The following CCDC85A variants were observed in gnomAD, a reference collection of about 807,000 sequenced individuals.
CCDC85A encodes the protein coiled-coil domain-containing protein 85A.
CCDC85A carries 38 observed loss-of-function variants against 50.2 expected under a neutral mutation model. The ratio of observed to expected loss-of-function variants is 0.76; its 90% CI spans 0.58 to 0.99. The LOEUF is 0.99. CCDC85A is among the 50% of genes least tolerant of loss of function. The probability of loss-of-function intolerance (pLI) is 0.00; values close to 1 mark genes in which losing one functional copy is unlikely to be tolerated. For missense variants in CCDC85A, 820 were observed against 742.0 expected (o/e 1.11, Z -1.22); for synonymous variants, 366 against 301.4 (o/e 1.21, Z -2.22).
At chr2:56,340,156 A>T (rs1674284081) in intron 2 of CCDC85A, among the ~76,000 whole-genome samples, 1 of 152,192 alleles carries the variant, frequency 6.6e-6, no homozygotes, top group African/African-American at 2.4e-5. Flanking sequence ...GATGAGCTTA[A>T]TTGTTGTATT....
chr2:56,364,647 C>T (rs1005119109), intron 3 of CCDC85A, among the ~76,000 whole-genome samples: 2 of 152,034 alleles, frequency 1.3e-5, no homozygotes, highest in African/African-American at 2.4e-5. Context: ...TATTACTTCC[C>T]CCGGTATTTT....
chr2:56,333,598 G>C (rs992224898), intron 2 of CCDC85A, among the ~76,000 whole-genome samples: 1 of 152,060 alleles, frequency 6.6e-6, no homozygotes, highest in Admixed American at 6.6e-5. Flanking sequence ...GGCTGCCATG[G>C]GTTTGGAATA....
intron 2 of CCDC85A, among the ~76,000 whole-genome samples, chr2:56,297,951 G>A (rs974825253): frequency 6.6e-6 from 1 of 152,212 alleles, no homozygotes; most frequent in African/African-American, 2.4e-5. Context: ...ACCATGATCT[G>A]CCATCAACAA....
intron 2 of CCDC85A, among the ~76,000 whole-genome samples, chr2:56,337,830 G>C (rs542375755): frequency 6.7e-6 from 1 of 149,498 alleles, no homozygotes; most frequent in Admixed American, 6.7e-5. Flanking sequence ...TGTCACCCAA[G>C]CTGGAGTGCA....
chr2:56,285,890 AG>A (rs1427376038), intron 2 of CCDC85A, among the ~76,000 whole-genome samples: 2 of 151,914 alleles, frequency 1.3e-5, no homozygotes, highest in Non-Finnish European at 2.9e-5. Flanking sequence ...TTCTTTTTGT[AG>A]TACAGGTCTG....
At chr2:56,278,955 AG>A (rs916377173) in intron 2 of CCDC85A, among the ~76,000 whole-genome samples, 8 of 152,168 alleles carry the variant, frequency 5.3e-5, no homozygotes, top group Admixed American at 5.2e-4. Flanking sequence ...AGGAGGCACG[AG>A]GGGGAAGGAA....
chr2:56,320,102 CACAACAT>C (rs1673104313), intron 2 of CCDC85A, among the ~76,000 whole-genome samples: 1 of 152,082 alleles, frequency 6.6e-6, no homozygotes, highest in African/African-American at 2.4e-5. Flanking sequence ...AGAACAAAGA[CACAACAT>C]ACCAGAATCT....
At chr2:56,320,871 C>T (rs1391084846) in intron 2 of CCDC85A, among the ~76,000 whole-genome samples, 2 of 152,098 alleles carry the variant, frequency 1.3e-5, no homozygotes, top group Admixed American at 1.3e-4. Flanking sequence ...CCCTGATGAA[C>T]ATCAATGCAA....
chr2:56,339,059 C>T (rs1472160813), intron 2 of CCDC85A, among the ~76,000 whole-genome samples: 1 of 152,150 alleles, frequency 6.6e-6, no homozygotes, highest in East Asian at 1.9e-4. Flanking sequence ...ACAGGACCTT[C>T]TGGAATGCCT....
intron 2 of CCDC85A, among the ~76,000 whole-genome samples, chr2:56,325,939 G>T (rs937731638): frequency 6.6e-6 from 1 of 152,104 alleles, no homozygotes; most frequent in African/African-American, 2.4e-5. Flanking sequence ...TGCAGTTATT[G>T]TGTCTTAGGC....
At chr2:56,361,145 T>C (rs1345677447) in intron 3 of CCDC85A, among the ~76,000 whole-genome samples, 1 of 151,984 alleles carries the variant, frequency 6.6e-6, no homozygotes, top group East Asian at 1.9e-4. Context: ...TCCCAGCTAC[T>C]CGGGAGGCTG....
chr2:56,260,498 T>C (rs1204254095), intron 2 of CCDC85A, among the ~76,000 whole-genome samples: 1 of 152,214 alleles, frequency 6.6e-6, no homozygotes, highest in Non-Finnish European at 1.5e-5. Context: ...GATAAATTTG[T>C]CCAATCTTTT....
At chr2:56,249,545 A>G (rs747999369) in intron 2 of CCDC85A, among the ~76,000 whole-genome samples, 1 of 152,232 alleles carries the variant, frequency 6.6e-6, no homozygotes, top group Non-Finnish European at 1.5e-5. Flanking sequence ...CTTTGAGGTC[A>G]CTGGGTCATT....
At chr2:56,318,740 G>A (rs746350253) in intron 2 of CCDC85A, among the ~76,000 whole-genome samples, 1 of 151,976 alleles carries the variant, frequency 6.6e-6, no homozygotes, top group African/African-American at 2.4e-5. Flanking sequence ...AAAACATAAG[G>A]CATTCACTTC....
intron 2 of CCDC85A, among the ~76,000 whole-genome samples, chr2:56,302,534 GA>G (rs768907467): frequency 1.3e-5 from 2 of 152,124 alleles, no homozygotes; most frequent in Non-Finnish European, 2.9e-5. Flanking sequence ...TTTTGGAACA[GA>G]AAAATGAACC....
chr2:56,379,803 T>C (rs1343711453), intron 5 of CCDC85A: 2 of 984,610 alleles, frequency 2.0e-6, no homozygotes, highest in East Asian at 1.1e-4. Flanking sequence ...AGTATGAACA[T>C]GACCTTAGTG....
At chr2:56,361,259 G>A (rs74606582) in intron 3 of CCDC85A, among the ~76,000 whole-genome samples, 25 of 147,118 alleles carry the variant, frequency 1.7e-4, no homozygotes, top group East Asian at 2.0e-4. Flanking sequence ...GTCTCAAAAA[G>A]AAAAAAAAAA....
At chr2:56,233,852 T>G (rs1370458015) in intron 2 of CCDC85A, among the ~76,000 whole-genome samples, 1 of 152,220 alleles carries the variant, frequency 6.6e-6, no homozygotes, top group Non-Finnish European at 1.5e-5. Context: ...CTTACTTGAA[T>G]TGATTCCATT....
At position 56,361,970 on chromosome 2, in the gene CCDC85A, G is replaced by A. The variant is rs1381059858; in HGVS notation, c.1318-10374G>A. ...GAGCTGAGAGTGGCTTGAACTAAGTGGTAGGGTGGAGATGGTGAGGAGGGG... is the reference window on the plus strand; with the variant it reads ...GAGCTGAGAGTGGCTTGAACTAAGTAGTAGGGTGGAGATGGTGAGGAGGGG... On this transcript the variant is annotated intron_variant, in intron 3 of 5. Transcript: ENST00000407595. 2.6e-5 allele frequency among the ~76,000 whole-genome samples: 4 copies of A among 152,270 alleles called. No individual in the cohort carries two copies. The East Asian group carries it at 7.7e-4, about 29-fold the overall frequency.
Sources: allele counts gnomAD v4.1 joint callset (sites outside exome capture counted in the v4.1 genomes callset), GRCh38; gene constraint gnomAD v4.1.1; transcripts MANE v1.5; gene names NCBI Gene and HGNC (gene_info 2026-07-23, HGNC 2026-07-21).